Variants in MTMR9 observed in about 807,000 individuals in gnomAD.
MTMR9 encodes myotubularin-related protein 9.
A neutral mutation model predicts 69.5 loss-of-function variants in MTMR9; 39 were observed. That is an observed-to-expected ratio of 0.56 (90% CI 0.43 to 0.73). The LOEUF (loss-of-function observed/expected upper bound fraction) is 0.73, where lower values mean the gene tolerates loss of function less well. MTMR9 is among the 30% of genes least tolerant of loss of function. The pLI, the probability that MTMR9 is intolerant of heterozygous loss-of-function variation, is 0.00. For synonymous variants in MTMR9, 354 were observed against 240.8 expected (o/e 1.47, Z -4.35); for missense variants, 900 against 671.2 (o/e 1.34, Z -3.77).
At chr8:11,329,294 G>A (rs1200096758), downstream of MTMR9, among the ~76,000 whole-genome samples, 3 of 152,218 alleles carry the variant, frequency 2.0e-5, no homozygotes, top group East Asian at 3.9e-4. Context: ...CTCAGAAGCT[G>A]GAGTGGGAAG....
downstream of MTMR9, among the ~76,000 whole-genome samples, chr8:11,330,679 G>A (rs1006153403): frequency 2.6e-5 from 4 of 152,190 alleles, no homozygotes; most frequent in Non-Finnish European, 2.9e-5. Context: ...GATTAAGGGC[G>A]GTGCAAGATG....
Position 11,314,917 on chromosome 8 carries a change from T to A in MTMR9, c.972-6T>A. ...CATTTGTACTCTTCCCTGATTTTCC[T>A]ATCAGGGAAGGAGCATCAATATTGA... is the stretch of plus-strand genomic sequence containing the variant. On this transcript the variant is annotated splice_polypyrimidine_tract_variant and splice_region_variant and intron_variant, in intron 6 of 9. Transcript: ENST00000221086. 2 of 1,612,564 alleles carry A rather than the reference T, an allele frequency of 1.2e-6. No individual in the cohort carries two copies. Among genetic ancestry groups the A allele is most frequent in the Non-Finnish European group, 1.7e-6 (2 of 1,178,720 alleles).
At chr8:11,328,363 G>GTT (rs1801042095), downstream of MTMR9, among the ~76,000 whole-genome samples, 1 of 150,692 alleles carries the variant, frequency 6.6e-6, no homozygotes, top group Admixed American at 6.6e-5. Context: ...GTGTGTGTGT[G>GTT]TGTGTGTGTT....
At chr8:11,316,924 C>G (rs1415340819) in intron 8 of MTMR9, 31 bp downstream of exon 8, 57 of 1,455,572 alleles carry the variant, frequency 3.9e-5, no homozygotes, top group Non-Finnish European at 4.9e-5. Context: ...GGGACCTTTC[C>G]TTTTCCGTTG....
chr8:11,330,459 G>A (rs1017907926), downstream of MTMR9, among the ~76,000 whole-genome samples: 4 of 152,278 alleles, frequency 2.6e-5, no homozygotes, highest in South Asian at 2.1e-4. Flanking sequence ...TGACGATGGC[G>A]GTTTTGTGGA....
chr8:11,287,826 TATATAAC>T, intron 1 of MTMR9, among the ~76,000 whole-genome samples: 1 of 124,474 alleles, frequency 8.0e-6, no homozygotes, highest in South Asian at 2.2e-4. Flanking sequence ...TAATATATAA[TATATAAC>T]ATTATATATT....
chr8:11,335,234 T>C, the MTMR9 span, among the ~76,000 whole-genome samples: 1 of 152,238 alleles, frequency 6.6e-6, no homozygotes, highest in Non-Finnish European at 1.5e-5. Flanking sequence ...GCAGGGTGCA[T>C]GGTTAATTTA....
downstream of MTMR9, among the ~76,000 whole-genome samples, chr8:11,330,085 G>A (rs1335244682): frequency 1.3e-5 from 2 of 151,964 alleles, no homozygotes; most frequent in African/African-American, 2.4e-5. Context: ...CCTGGCAGCC[G>A]CCCCATCCGG....
At chr8:11,320,431 A>C (rs1800627425) in intron 9 of MTMR9, 1 of 152,260 alleles carries the variant, frequency 6.6e-6, no homozygotes. Context: ...TATTAATTAA[A>C]ACATAACCAA....
chr8:11,297,254 A>T (rs1799593634), intron 2 of MTMR9, among the ~76,000 whole-genome samples: 1 of 152,208 alleles, frequency 6.6e-6, no homozygotes, highest in Non-Finnish European at 1.5e-5. Context: ...ATAGAGGAAA[A>T]ACTGTTATAG....
chr8:11,332,225 C>G (rs1394867707), downstream of MTMR9: 2 of 1,480,092 alleles, frequency 1.4e-6, no homozygotes, highest in Non-Finnish European at 1.8e-6. Flanking sequence ...TATAATAAAT[C>G]CTAGGAAAGA....
chr8:11,313,167 T>G (rs550345572), intron 6 of MTMR9, among the ~76,000 whole-genome samples: 76 of 152,372 alleles, frequency 5.0e-4, no homozygotes, highest in African/African-American at 1.8e-3. Context: ...AGAGTTTGCT[T>G]CTTTCCTTAA....
intron 1 of MTMR9, among the ~76,000 whole-genome samples, chr8:11,292,697 C>G (rs1260575480): frequency 1.3e-5 from 2 of 152,080 alleles, no homozygotes; most frequent in Admixed American, 1.3e-4. Flanking sequence ...TATTTGCTTT[C>G]TTACTGCGTT....
chr8:11,309,484 T>C (rs1056320881), intron 5 of MTMR9, 43 bp from the exon 6 acceptor site: 3 of 1,540,602 alleles, frequency 1.9e-6, no homozygotes, highest in Non-Finnish European at 2.6e-6. Flanking sequence ...TTTATCTTTC[T>C]ATTTTCTGGG....
the MTMR9 span, among the ~76,000 whole-genome samples, chr8:11,335,466 C>G: frequency 5.9e-5 from 9 of 152,230 alleles, no homozygotes; most frequent in South Asian, 8.3e-4. Flanking sequence ...TGGGAAGAAT[C>G]AATATTGTCA....
intron 1 of MTMR9, among the ~76,000 whole-genome samples, chr8:11,289,788 C>A (rs1799316113): frequency 6.6e-6 from 1 of 152,198 alleles, no homozygotes; most frequent in Non-Finnish European, 1.5e-5. Flanking sequence ...AATACTGTTT[C>A]AAGATCTCTT....
intron 1 of MTMR9, among the ~76,000 whole-genome samples, chr8:11,294,003 G>C (rs1799460990): frequency 6.6e-6 from 1 of 152,120 alleles, no homozygotes; most frequent in South Asian, 2.1e-4. Flanking sequence ...CTTATTCAAA[G>C]TTGTTTTGGC....
chr8:11,296,627 A>T (rs1464749138), intron 2 of MTMR9, among the ~76,000 whole-genome samples: 1 of 152,198 alleles, frequency 6.6e-6, no homozygotes, highest in Non-Finnish European at 1.5e-5. Context: ...AAGTAGAATC[A>T]TAGTACATAG....
At chr8:11,333,296 A>G in the MTMR9 span, among the ~76,000 whole-genome samples, 1 of 152,266 alleles carries the variant, frequency 6.6e-6, no homozygotes, top group Non-Finnish European at 1.5e-5. Context: ...AAATGAGATT[A>G]TCAACTAATT....
Sources: allele counts gnomAD v4.1 joint callset (sites outside exome capture counted in the v4.1 genomes callset), GRCh38; gene constraint gnomAD v4.1.1; transcripts MANE v1.5; gene names NCBI Gene and HGNC (gene_info 2026-07-23, HGNC 2026-07-21).